CD160: variants seen among roughly 807,000 people sequenced by gnomAD.
The protein encoded by CD160 is CD160 molecule.
CD160 carries 11 observed loss-of-function variants against 19.2 expected under a neutral mutation model. The ratio of observed to expected loss-of-function variants is 0.57; its 90% CI spans 0.36 to 0.95. The LOEUF is 0.95. Ranked by LOEUF, CD160 falls within the 40% of genes least tolerant of loss-of-function variation. The pLI, the probability that CD160 is intolerant of heterozygous loss-of-function variation, is 0.01. For synonymous variants in CD160, 75 were observed against 81.1 expected (o/e 0.93, Z 0.40); for missense variants, 182 against 213.2 (o/e 0.85, Z 0.91).
intron 4 of CD160, among the ~76,000 whole-genome samples, chr1:145,731,935 G>A (rs1356642079): frequency 6.6e-6 from 1 of 152,092 alleles, no homozygotes; most frequent in Non-Finnish European, 1.5e-5. Context: ...ACTAGAAAGG[G>A]GACAGGACGC....
intron 1 of CD160, among the ~76,000 whole-genome samples, chr1:145,721,407 C>G (rs1263147159): frequency 6.6e-6 from 1 of 152,172 alleles, no homozygotes; most frequent in African/African-American, 2.4e-5. Flanking sequence ...GCTCCCCTCC[C>G]GGGCACCAAG....
intron 3 of CD160, among the ~76,000 whole-genome samples, chr1:145,729,491 C>G (rs1657200844): frequency 6.9e-6 from 1 of 145,624 alleles, no homozygotes; most frequent in Non-Finnish European, 1.5e-5. Flanking sequence ...GCTAAGGGAG[C>G]TGAGGGTGGA....
chr1:145,726,545 C>T (rs1275674893), intron 2 of CD160, among the ~76,000 whole-genome samples: 1 of 152,100 alleles, frequency 6.6e-6, no homozygotes, highest in Non-Finnish European at 1.5e-5. Context: ...AACACATGAA[C>T]CCAGGGTGGG....
At chr1:145,736,238 G>C in intron 5 of CD160, 104 bp downstream of exon 5, 2 of 1,577,618 alleles carry the variant, frequency 1.3e-6, no homozygotes, top group South Asian at 1.2e-5. Context: ...GGATGTCCAG[G>C]GGGAGAGAAA....
At chr1:145,723,732 T>C (rs1178786071) in intron 1 of CD160, among the ~76,000 whole-genome samples, 1 of 152,056 alleles carries the variant, frequency 6.6e-6, no homozygotes, top group Non-Finnish European at 1.5e-5. Context: ...CACAGGCACC[T>C]GCTACAACAC....
chr1:145,720,115 C>T (rs1334622244), intron 1 of CD160, among the ~76,000 whole-genome samples: 5 of 152,184 alleles, frequency 3.3e-5, no homozygotes, highest in Non-Finnish European at 7.4e-5. Flanking sequence ...CAATAGAAAA[C>T]ACAAATATTT....
At chr1:145,728,923 C>T (rs782441877) in intron 3 of CD160, among the ~76,000 whole-genome samples, 1 of 152,102 alleles carries the variant, frequency 6.6e-6, no homozygotes, top group Non-Finnish European at 1.5e-5. Flanking sequence ...CCTTTAGGCT[C>T]TTATATACTA....
chr1:145,731,677 A>G (rs1345922023), intron 4 of CD160, among the ~76,000 whole-genome samples: 3 of 152,230 alleles, frequency 2.0e-5, no homozygotes, highest in African/African-American at 7.2e-5. Context: ...TCTCAAAAAA[A>G]TAAAAAACAA....
intron 1 of CD160, among the ~76,000 whole-genome samples, chr1:145,722,748 C>T (rs181749271): frequency 2.6e-5 from 4 of 152,240 alleles, no homozygotes; most frequent in East Asian, 1.9e-4. Context: ...CCCGCCACCA[C>T]GCCCGGCTAA....
intron 5 of CD160, chr1:145,737,924 C>T (rs1293412581): frequency 2.0e-5 from 3 of 152,180 alleles, no homozygotes; most frequent in Non-Finnish European, 4.4e-5. Flanking sequence ...AGAAAATATA[C>T]ACTACTTAGA....
Position 145,730,813 on chromosome 1 carries a change from A to T in CD160, c.143A>T (p.His48Leu). Residue 48 changes from histidine to leucine, a missense_variant, in exon 4 of 6, where the codon CAT becomes CTT. His to Leu is a moderately conservative substitution (Grantham distance 99). Coordinates refer to ENST00000369288, the MANE Select transcript of CD160 (RefSeq NM_007053.4). Reference protein sequence around the residue: ...TRLNLICTVWHKKEEAEGFVV... With the variant: ...TRLNLICTVWLKKEEAEGFVV... ...CTAAACTTAATCTGTACTGTATGGC[A>T]TAAGAAAGAAGAGGCTGAGGGGTTT... 6.2e-7 allele frequency: 1 copy of T among 1,614,208 alleles called. No individual in the cohort carries two copies. Among genetic ancestry groups the T allele is most frequent in the Non-Finnish European group, 8.5e-7 (1 of 1,180,032 alleles).
chr1:145,736,252 G>A (rs782416660), intron 5 of CD160, 118 bp downstream of exon 5: 33 of 1,564,962 alleles, frequency 2.1e-5, no homozygotes, highest in Non-Finnish European at 2.3e-5. Flanking sequence ...AGAGAAAAAT[G>A]TTACTCAAGC....
At chr1:145,721,578 CCT>C (rs1656850596) in intron 1 of CD160, among the ~76,000 whole-genome samples, 1 of 152,058 alleles carries the variant, frequency 6.6e-6, no homozygotes, top group African/African-American at 2.4e-5. Context: ...TCCCGCCTGT[CCT>C]CTCTCTCCTT....
chr1:145,728,148 C>T (rs1252943377), intron 2 of CD160, 108 bp from the exon 3 acceptor site: 9 of 569,934 alleles, frequency 1.6e-5, no homozygotes, highest in Non-Finnish European at 2.2e-5. Context: ...TGCCCAAGCC[C>T]TCCTCTACCT....
chr1:145,736,115 C>G lies in CD160; in HGVS notation c.519C>G (p.Thr173=), dbSNP rs1393906994. Reference sequence around the variant, plus strand: ...AAAAGGTCTGGGTAATGCTGGTCACCAGCCTTGTGGCCCTTCAAGGTATGT... The same window carrying G: ...AAAAGGTCTGGGTAATGCTGGTCACGAGCCTTGTGGCCCTTCAAGGTATGT... ...LQEKVWVMLV[T]SLVALQAL is the part of the protein sequence containing the mutation. The change falls in exon 5 of 6, where the codon ACC becomes ACG. Residue 173 remains threonine (T), a synonymous_variant. Transcript: ENST00000369288. 1.2e-6 allele frequency: 2 copies of G among 1,614,036 alleles called. No individual in the cohort carries two copies. The highest frequency in any genetic ancestry group is 1.7e-6 in the Non-Finnish European group (2 of 1,180,034).
chr1:145,732,365 C>T (rs1460182105), intron 4 of CD160, among the ~76,000 whole-genome samples: 1 of 152,090 alleles, frequency 6.6e-6, no homozygotes, highest in Non-Finnish European at 1.5e-5. Context: ...GATAAAATGA[C>T]ATACAGGAAA....
chr1:145,723,728 C>G (rs1553708076), intron 1 of CD160, among the ~76,000 whole-genome samples: 1 of 152,116 alleles, frequency 6.6e-6, no homozygotes, highest in Non-Finnish European at 1.5e-5. Context: ...GGATCACAGG[C>G]ACCTGCTACA....
In CD160 at chr1:145,736,338, C is replaced by A. The variant is rs782527877; in HGVS notation, c.538+204C>A. 3.1e-5 allele frequency: 45 copies of A among 1,468,138 alleles called. No individual in the cohort carries two copies. The South Asian group carries it at 5.4e-4, about 18-fold the overall frequency. 90.9% of individuals were successfully genotyped at this position (1,468,138 alleles called of 1,614,324 possible). A position where few individuals can be genotyped will look rare whatever the true frequency, so the allele number is the denominator to read the frequency against. On this transcript the variant is annotated intron_variant, in intron 5 of 5. Coordinates refer to ENST00000369288, the MANE Select transcript of CD160 (RefSeq NM_007053.4). ...TAAGGAGGAAGACAGATAAATCAGA[C>A]TTTTCAATGGGTAGGAGGTAAGACT...
intron 2 of CD160, among the ~76,000 whole-genome samples, chr1:145,725,375 G>C (rs587770308): frequency 6.6e-6 from 1 of 152,228 alleles, no homozygotes; most frequent in African/African-American, 2.4e-5. Context: ...AACCCAGGAG[G>C]TGGAAGTTGC....
Sources: allele counts gnomAD v4.1 joint callset (sites outside exome capture counted in the v4.1 genomes callset), GRCh38; gene constraint gnomAD v4.1.1; transcripts MANE v1.5; gene names NCBI Gene and HGNC (gene_info 2026-07-23, HGNC 2026-07-21).